The following TNFSF4 variants were observed in gnomAD, a reference collection of about 807,000 sequenced individuals.
The protein encoded by TNFSF4 is TNF superfamily member 4, also known as tumor necrosis factor ligand superfamily member 4.
In TNFSF4, 4 loss-of-function variants were observed where a neutral mutation model predicts 7.3. That is an observed-to-expected ratio of 0.55 (90% CI 0.27 to 1.25). TNFSF4 has a LOEUF of 1.25. Among genes scored for constraint, TNFSF4 ranks in the 50% most tolerant of loss-of-function variants. The pLI is 0.12. For missense variants in TNFSF4, 181 were observed against 208.8 expected, an observed-to-expected ratio of 0.87 and a Z score of 0.82; for synonymous variants, 76 against 83.7, an observed-to-expected ratio of 0.91 and a Z score of 0.50.
the TNFSF4 span, among the ~76,000 whole-genome samples, chr1:173,366,363 A>C: frequency 6.6e-6 from 1 of 152,214 alleles, no homozygotes; most frequent in East Asian, 1.9e-4. Flanking sequence ...AGCCAGGCAC[A>C]GAAAGACAAA....
the TNFSF4 span, among the ~76,000 whole-genome samples, chr1:173,370,836 T>A: frequency 6.6e-6 from 1 of 152,150 alleles, no homozygotes; most frequent in Non-Finnish European, 1.5e-5. Context: ...CAAACCTTGG[T>A]GGTTCAGAGA....
the TNFSF4 span, among the ~76,000 whole-genome samples, chr1:173,212,541 C>T: frequency 2.8e-5 from 4 of 144,660 alleles, no homozygotes; most frequent in East Asian, 2.0e-4. Context: ...ATCTATTTCA[C>T]GGGGAGGAGG....
the TNFSF4 span, among the ~76,000 whole-genome samples, chr1:173,426,915 G>A: frequency 6.6e-6 from 1 of 152,050 alleles, no homozygotes; most frequent in Admixed American, 6.6e-5. Context: ...TTATAAGGGG[G>A]ATGCAAGACA....
At chr1:173,417,470 A>G in the TNFSF4 span, among the ~76,000 whole-genome samples, 4 of 152,200 alleles carry the variant, frequency 2.6e-5, no homozygotes, top group Admixed American at 6.5e-5. Context: ...GGAGAGATCA[A>G]TTTTGTTTAG....
the TNFSF4 span, among the ~76,000 whole-genome samples, chr1:173,446,389 GTACA>G: frequency 8.5e-5 from 13 of 152,316 alleles, no homozygotes; most frequent in East Asian, 2.3e-3. Context: ...GCACATGGAT[GTACA>G]TAGTGACTTT....
the TNFSF4 span, among the ~76,000 whole-genome samples, chr1:173,273,894 T>C: frequency 6.6e-6 from 1 of 152,140 alleles, no homozygotes; most frequent in Admixed American, 6.6e-5. Context: ...GGCTTGACTG[T>C]ATTTTGCAAA....
upstream of TNFSF4, among the ~76,000 whole-genome samples, chr1:173,209,925 A>G (rs1557889016): frequency 6.6e-6 from 1 of 152,208 alleles, no homozygotes; most frequent in Non-Finnish European, 1.5e-5. Context: ...TAGACTATTA[A>G]CCTCCTAAAT....
At chr1:173,308,106 A>G in the TNFSF4 span, among the ~76,000 whole-genome samples, 1 of 152,062 alleles carries the variant, frequency 6.6e-6, no homozygotes, top group Admixed American at 6.6e-5. Flanking sequence ...TATTCTAAAT[A>G]CAATCCCTTT....
At chr1:173,400,962 G>T in the TNFSF4 span, among the ~76,000 whole-genome samples, 1 of 152,044 alleles carries the variant, frequency 6.6e-6, no homozygotes, top group African/African-American at 2.4e-5. Flanking sequence ...CAGAAACAAG[G>T]ACTCTAATTG....
chr1:173,232,482 C>G, the TNFSF4 span, among the ~76,000 whole-genome samples: 2 of 152,112 alleles, frequency 1.3e-5, no homozygotes, highest in Non-Finnish European at 2.9e-5. Context: ...CCTGATTGCC[C>G]AAGCCAGAAT....
the TNFSF4 span, among the ~76,000 whole-genome samples, chr1:173,394,494 G>C: frequency 6.6e-6 from 1 of 152,142 alleles, no homozygotes; most frequent in African/African-American, 2.4e-5. Flanking sequence ...CATTATTTCT[G>C]GGTATGCCTG....
chr1:173,377,999 G>A, the TNFSF4 span, among the ~76,000 whole-genome samples: 5 of 152,264 alleles, frequency 3.3e-5, 1 homozygote, highest in East Asian at 1.9e-4. Context: ...ACAGATTTTC[G>A]AGAATGTGTC....
the TNFSF4 span, among the ~76,000 whole-genome samples, chr1:173,333,884 G>A: frequency 6.6e-6 from 1 of 152,044 alleles, no homozygotes; most frequent in African/African-American, 2.4e-5. Context: ...AGCTCTCCTG[G>A]TTTTCTGACC....
At chr1:173,230,077 G>A in the TNFSF4 span, among the ~76,000 whole-genome samples, 1 of 152,150 alleles carries the variant, frequency 6.6e-6, no homozygotes, top group African/African-American at 2.4e-5. Context: ...TCTGCACCAA[G>A]AAGACCCAAT....
At chr1:173,363,003 C>T in the TNFSF4 span, 5 of 382,108 alleles carry the variant, frequency 1.3e-5, no homozygotes, top group Admixed American at 3.1e-5. Context: ...TGGGAAAATG[C>T]GGACTTGCCT....
At chr1:173,276,389 A>G in the TNFSF4 span, among the ~76,000 whole-genome samples, 165 of 152,218 alleles carry the variant, frequency 1.1e-3, no homozygotes, top group Middle Eastern at 6.8e-3. Context: ...CAGAGTGTAC[A>G]CAGTTGTTCC....
chr1:173,444,086 A>C, the TNFSF4 span, among the ~76,000 whole-genome samples: 4 of 152,170 alleles, frequency 2.6e-5, no homozygotes, highest in Non-Finnish European at 1.5e-5. Flanking sequence ...TCCATTCCCC[A>C]ATTTTGTTCA....
At chr1:173,248,256 T>C in the TNFSF4 span, among the ~76,000 whole-genome samples, 1 of 150,506 alleles carries the variant, frequency 6.6e-6, no homozygotes, top group Admixed American at 6.6e-5. Flanking sequence ...ACCCAGGAGG[T>C]TGAGGCAGGA....
chr1:173,229,461 C>T, the TNFSF4 span, among the ~76,000 whole-genome samples: 2 of 152,152 alleles, frequency 1.3e-5, no homozygotes, highest in Non-Finnish European at 2.9e-5. Flanking sequence ...ACAACCAGTA[C>T]CAGACACTGC....
Sources: allele counts gnomAD v4.1 joint callset (sites outside exome capture counted in the v4.1 genomes callset), GRCh38; gene constraint gnomAD v4.1.1; transcripts MANE v1.5; gene names NCBI Gene and HGNC (gene_info 2026-07-23, HGNC 2026-07-21).